COL15A1: variants seen among roughly 807,000 people sequenced by gnomAD.
COL15A1 encodes collagen type XV alpha 1 chain.
A neutral mutation model predicts 165.9 loss-of-function variants in COL15A1; 111 were observed. The ratio of observed to expected loss-of-function variants is 0.67; its 90% confidence interval spans 0.57 to 0.78. COL15A1 has a LOEUF of 0.78. Ranked by LOEUF, COL15A1 falls within the 30% of genes least tolerant of loss-of-function variation. The probability of loss-of-function intolerance (pLI) is 0.00; values close to 1 mark genes in which losing one functional copy is unlikely to be tolerated. For missense variants in COL15A1, 1,745 were observed against 1,789.7 expected (o/e 0.98, Z 0.45); for synonymous variants, 659 against 674.8 (o/e 0.98, Z 0.36).
At chr9:99,011,423 A>AAAAAAAC (rs548063268) in intron 9 of COL15A1, among the ~76,000 whole-genome samples, 7,536 of 134,774 alleles carry the variant, frequency 0.056, 564 homozygotes, top group East Asian at 0.11. Context: ...AAAAAAAAAA[A>AAAAAAAC]AGTCATTTTA....
chr9:98,966,770 C>A (rs747799590), intron 2 of COL15A1, among the ~76,000 whole-genome samples: 1 of 152,194 alleles, frequency 6.6e-6, no homozygotes, highest in African/African-American at 2.4e-5. Context: ...AAGCTACAAT[C>A]GACTCTGTGT....
At chr9:99,007,656 A>G (rs1185066137) in intron 9 of COL15A1, among the ~76,000 whole-genome samples, 2 of 152,220 alleles carry the variant, frequency 1.3e-5, no homozygotes, top group African/African-American at 4.8e-5. Context: ...AGGTCATATT[A>G]CTCTGAAGTC....
chr9:99,003,225 G>A (rs967716055), intron 7 of COL15A1, among the ~76,000 whole-genome samples: 21 of 152,384 alleles, frequency 1.4e-4, no homozygotes, highest in African/African-American at 4.1e-4. Flanking sequence ...AGTGATTTCC[G>A]TGTTAATGGA....
chr9:98,962,155 G>C (rs1837875632), intron 2 of COL15A1, among the ~76,000 whole-genome samples: 1 of 152,156 alleles, frequency 6.6e-6, no homozygotes, highest in Non-Finnish European at 1.5e-5. Context: ...ATCTCTCTCT[G>C]GATCTCTGTA....
intron 2 of COL15A1, among the ~76,000 whole-genome samples, chr9:98,964,239 T>C (rs1035842721): frequency 2.8e-5 from 3 of 107,068 alleles, no homozygotes; most frequent in Admixed American, 2.9e-4. Flanking sequence ...AGTTAGGAGG[T>C]GTCCACTGGG....
intron 16 of COL15A1, among the ~76,000 whole-genome samples, chr9:99,032,193 T>A (rs1469672944): frequency 1.3e-5 from 2 of 151,880 alleles, no homozygotes; most frequent in Non-Finnish European, 2.9e-5. Flanking sequence ...ATTTTATTTT[T>A]ATTTTTTAAT....
chr9:98,970,758 A>G (rs544427509), intron 2 of COL15A1, among the ~76,000 whole-genome samples: 2 of 151,954 alleles, frequency 1.3e-5, no homozygotes, highest in South Asian at 4.2e-4. Flanking sequence ...ATAGGTTGTG[A>G]GTGTGTGAGT....
intron 22 of COL15A1, among the ~76,000 whole-genome samples, chr9:99,040,036 C>T (rs1451942149): frequency 6.6e-6 from 1 of 152,194 alleles, no homozygotes; most frequent in Admixed American, 6.5e-5. Flanking sequence ...TCATTGTGAG[C>T]CATCTTCCTG....
intron 2 of COL15A1, among the ~76,000 whole-genome samples, chr9:98,956,812 C>T (rs1837782813): frequency 6.6e-6 from 1 of 152,220 alleles, no homozygotes; most frequent in Non-Finnish European, 1.5e-5. Flanking sequence ...CTGGCTTCAC[C>T]CCCAGAACTC....
chr9:98,982,214 G>T (rs1436952134), intron 2 of COL15A1, among the ~76,000 whole-genome samples: 1 of 152,068 alleles, frequency 6.6e-6, no homozygotes, highest in Non-Finnish European at 1.5e-5. Context: ...AAACTCTTGG[G>T]TTCAAGTGAT....
chr9:99,004,463 A>T (rs1398885775), intron 8 of COL15A1, among the ~76,000 whole-genome samples: 2 of 152,184 alleles, frequency 1.3e-5, no homozygotes, highest in African/African-American at 2.4e-5. Flanking sequence ...TGGAAGCCAG[A>T]TGGCACTGGG....
intron 9 of COL15A1, among the ~76,000 whole-genome samples, chr9:99,013,983 T>C (rs924872927): frequency 2.3e-4 from 34 of 150,844 alleles, no homozygotes; most frequent in East Asian, 2.0e-4. Flanking sequence ...TGTTTTTTTT[T>C]CCCCTCTCTT....
rs561652261 is a variant in COL15A1, at chr9:98,994,267, G to A, written c.805-2667G>A. Among the ~76,000 whole-genome samples, 4 of 152,260 alleles carry A rather than the reference G, an allele frequency of 2.6e-5. No homozygotes were observed. The South Asian group carries it at 6.2e-4, about 24-fold the overall frequency. On this transcript the variant is annotated intron_variant, in intron 5 of 41. Transcript: ENST00000375001. ...ATCTGTATTGACAAAAAGCTCTGCA[G>A]GTGATTCTGGTCCTCAGCCAGGGCC... is the stretch of plus-strand genomic sequence containing the variant.
In COL15A1 at chr9:98,972,856, G is replaced by A. The variant is rs1001429463; in HGVS notation, c.101-12709G>A. On this transcript the variant is annotated intron_variant, in intron 2 of 41. Transcript: ENST00000375001. The stretch of plus-strand genomic sequence containing the variant: ...AACACAGAAGTATGCAGCTGGGCCT[G>A]GGAGAGCCACAAGGAAAGCTTGAAA... Among the ~76,000 whole-genome samples, 19 of 152,202 alleles carry A rather than the reference G, an allele frequency of 1.2e-4. No individual in the cohort carries two copies. The East Asian group carries it at 1.3e-3, about 11-fold the overall frequency.
chr9:99,004,871 C>T (rs371128609), intron 8 of COL15A1, 27 bp from the exon 9 acceptor site: 143 of 1,613,562 alleles, frequency 8.9e-5, no homozygotes, highest in African/African-American at 4.5e-4. Flanking sequence ...GGGGCACTGA[C>T]GCGGTTCCTG....
At chr9:99,011,208 C>T (rs1331582917) in intron 9 of COL15A1, among the ~76,000 whole-genome samples, 4 of 152,020 alleles carry the variant, frequency 2.6e-5, no homozygotes, top group African/African-American at 9.7e-5. Context: ...GTAGTTCAAA[C>T]CAATTCTTTA....
chr9:98,984,682 C>T (rs1838280822), intron 2 of COL15A1, among the ~76,000 whole-genome samples: 1 of 152,188 alleles, frequency 6.6e-6, no homozygotes, highest in South Asian at 2.1e-4. Context: ...ACGCAAATTT[C>T]AATTGCCTTG....
rs200379044 is a variant in COL15A1, at chr9:99,015,461, C to T, written c.1398C>T (p.Thr466=). 6.8e-6 allele frequency: 11 copies of T among 1,606,982 alleles called. No homozygotes were observed. The highest frequency in any genetic ancestry group is 2.2e-5 in the South Asian group (2 of 90,934). The part of the protein sequence containing the change: ...EDSLTTAAAA[T]EVSLSTFEDE... Reference sequence around the variant, plus strand: ...GTTTAACAACAGCTGCAGCTGCAACCGAAGTGTCCCTCAGTACTTTTGAGG... The same window carrying T: ...GTTTAACAACAGCTGCAGCTGCAACTGAAGTGTCCCTCAGTACTTTTGAGG... Residue 466 remains threonine (T), a synonymous_variant, in exon 10 of 42, where the codon ACC becomes ACT. Transcript: ENST00000375001.
At chr9:99,036,022 T>G in intron 19 of COL15A1, 148 bp from the exon 20 acceptor site, 1 of 662,054 alleles carries the variant, frequency 1.5e-6, no homozygotes, top group Non-Finnish European at 2.7e-6. Context: ...TCCTTCTGAC[T>G]CCAGAAGGGG....
Sources: allele counts gnomAD v4.1 joint callset (sites outside exome capture counted in the v4.1 genomes callset), GRCh38; gene constraint gnomAD v4.1.1; transcripts MANE v1.5; gene names NCBI Gene and HGNC (gene_info 2026-07-23, HGNC 2026-07-21).